Variants in PM20D2 observed in about 807,000 individuals in gnomAD.
PM20D2 encodes xaa-Arg dipeptidase.
A neutral mutation model predicts 42.9 loss-of-function variants in PM20D2; 33 were observed. That is an observed-to-expected ratio of 0.77 (90% CI 0.58 to 1.03). The LOEUF is 1.03. Ranked by LOEUF, PM20D2 falls within the 50% of genes least tolerant of loss-of-function variation. The probability of loss-of-function intolerance (pLI) is 0.00; values close to 1 mark genes in which losing one functional copy is unlikely to be tolerated. For synonymous variants in PM20D2, 250 were observed against 228.2 expected (o/e 1.10, Z -0.86); for missense variants, 548 against 557.0 (o/e 0.98, Z 0.16).
In PM20D2 at chr6:89,153,034, A is replaced by G. The variant is rs1369546305; in HGVS notation, c.615-9A>G. On this transcript the variant is annotated splice_polypyrimidine_tract_variant and intron_variant, in intron 2 of 6. Coordinates refer to ENST00000275072, the MANE Select transcript of PM20D2 (RefSeq NM_001010853.3). ...CAAAAGTAATTTCAAATGATTTTTT[A>G]TTTCCTAGTGTGACTGTGAAATACT... 6.4e-7 allele frequency: 1 copy of G among 1,566,788 alleles called. No individual in the cohort carries two copies. Among genetic ancestry groups the G allele is most frequent in the African/African-American group, 1.4e-5 (1 of 72,612 alleles).
chr6:89,096,368 T>C, the PM20D2 span: 3 of 152,188 alleles, frequency 2.0e-5, no homozygotes, highest in African/African-American at 4.8e-5. Context: ...GCAAAAGTAA[T>C]TGCGGGATAT....
upstream of PM20D2, chr6:89,146,034 C>T (rs986368097): frequency 4.1e-6 from 4 of 972,044 alleles, no homozygotes; most frequent in Admixed American, 1.3e-4. Context: ...TGTGTGGCCG[C>T]GTGCGCGCTC....
the PM20D2 span, among the ~76,000 whole-genome samples, chr6:89,137,655 C>A: frequency 6.6e-6 from 1 of 152,072 alleles, no homozygotes; most frequent in South Asian, 2.1e-4. Context: ...AATGCCTGGG[C>A]TAAAAATGCA....
chr6:89,117,840 G>T, the PM20D2 span: 4 of 1,559,232 alleles, frequency 2.6e-6, no homozygotes, highest in Admixed American at 1.9e-5. Context: ...CGTCCGCGAC[G>T]TTCCTGATGA....
intron 6 of PM20D2, 37 bp downstream of exon 6, chr6:89,161,927 ACT>A (rs1562263534): frequency 6.5e-7 from 1 of 1,542,914 alleles, no homozygotes; most frequent in Admixed American, 1.7e-5. Context: ...TGGCACACAC[ACT>A]CTTCTTCTGG....
chr6:89,154,840 C>A lies in PM20D2; in HGVS notation c.850C>A (p.Gln284Lys). Reference sequence around the variant, plus strand: ...CCGTGCACCCTCAATGAAAGAACTTCAAGTTTTGACCAAAAAGGCAGAAGA... The same window carrying A: ...CCGTGCACCCTCAATGAAAGAACTTAAAGTTTTGACCAAAAAGGCAGAAGA... ...YFRAPSMKEL[Q>K]VLTKKAEDCF... Residue 284 changes from glutamine to lysine, a missense_variant, in exon 4 of 7, where the codon CAA (glutamine) becomes AAA (lysine). Gln to Lys is a moderately conservative substitution (Grantham distance 53). Transcript: ENST00000275072. 1 of 1,609,488 alleles carries A rather than the reference C, an allele frequency of 6.2e-7. No homozygotes were observed. Among genetic ancestry groups the A allele is most frequent in the Non-Finnish European group, 8.5e-7 (1 of 1,178,302 alleles).
At chr6:89,144,806 A>G (rs935436986), upstream of PM20D2, among the ~76,000 whole-genome samples, 2 of 129,458 alleles carry the variant, frequency 1.5e-5, no homozygotes, top group Non-Finnish European at 3.2e-5. Flanking sequence ...AGAATACCAG[A>G]GAAAGATTTA....
the PM20D2 span, among the ~76,000 whole-genome samples, chr6:89,113,216 C>G: frequency 7.2e-5 from 11 of 152,270 alleles, no homozygotes; most frequent in Middle Eastern, 3.4e-3. Context: ...ACTCTGTCAC[C>G]CAGGCTGGAG....
chr6:89,154,402 G>A (rs1454781794), intron 3 of PM20D2, among the ~76,000 whole-genome samples: 1 of 151,938 alleles, frequency 6.6e-6, no homozygotes, highest in African/African-American at 2.4e-5. Flanking sequence ...GTTGAGGTAT[G>A]GTAAAATCTT....
At position 89,163,897 on chromosome 6, in the gene PM20D2, A is replaced by C. The variant is rs1233974611; in HGVS notation, c.*1634A>C. 3.9e-5 allele frequency: 6 copies of C among 152,188 alleles called. No individual in the cohort carries two copies. The highest frequency in any genetic ancestry group is 1.4e-4 in the African/African-American group (6 of 41,446). The allele number at this position is 152,188 out of a possible 1,614,324, so 9.4% of individuals were successfully genotyped here. A position where few individuals can be genotyped will look rare whatever the true frequency, so the allele number is the denominator to read the frequency against. On this transcript the variant is annotated 3_prime_UTR_variant, in exon 7 of 7. Transcript: ENST00000275072. ...GACTTTAAAAGATGTTATCTAAATT[A>C]ATGGTTTAAATATACAAATTGAAAA... is the stretch of plus-strand genomic sequence containing the variant.
the PM20D2 span, chr6:89,096,345 G>C: frequency 6.6e-6 from 1 of 152,172 alleles, no homozygotes; most frequent in Admixed American, 6.5e-5. Flanking sequence ...GTCTGTAGTG[G>C]TACTAGGTTG....
the PM20D2 span, among the ~76,000 whole-genome samples, chr6:89,121,269 A>G: frequency 4.8e-5 from 7 of 145,742 alleles, no homozygotes; most frequent in Non-Finnish European, 9.4e-5. Context: ...ATAAAAACGT[A>G]TGTTCTTTTT....
At chr6:89,108,961 T>G in the PM20D2 span, among the ~76,000 whole-genome samples, 1 of 152,230 alleles carries the variant, frequency 6.6e-6, no homozygotes, top group Non-Finnish European at 1.5e-5. Context: ...TCATAGAACA[T>G]GTTTTACTAT....
chr6:89,149,369 A>G lies in PM20D2; in HGVS notation c.570A>G (p.Pro190=), dbSNP rs529213271. 12 of 1,614,014 alleles carry G rather than the reference A, an allele frequency of 7.4e-6. No individual in the cohort carries two copies. The highest frequency in any genetic ancestry group is 1.6e-4 in the Middle Eastern group (1 of 6,082). The change falls in exon 2 of 7, where the codon CCA becomes CCG. Residue 190 remains proline, a synonymous_variant. Coordinates refer to ENST00000275072, the MANE Select transcript of PM20D2 (RefSeq NM_001010853.3). ...TNLDVVFMAH[P]SQENAAYLPD... is the part of the protein sequence containing the mutation. ...TTGATGTTGTTTTTATGGCCCACCC[A>G]TCACAAGAGAATGCTGCTTATCTAC...
chr6:89,148,763 C>T (rs1441670913), intron 1 of PM20D2, among the ~76,000 whole-genome samples: 1 of 152,190 alleles, frequency 6.6e-6, no homozygotes, highest in Non-Finnish European at 1.5e-5. Context: ...TGGGGCAAGA[C>T]ACTTCACTCA....
chr6:89,150,443 G>A (rs1009793149), intron 2 of PM20D2, among the ~76,000 whole-genome samples: 7 of 151,668 alleles, frequency 4.6e-5, no homozygotes, highest in African/African-American at 1.7e-4. Flanking sequence ...CTTAAGGTTA[G>A]GCTTCGTGGT....
upstream of PM20D2, among the ~76,000 whole-genome samples, chr6:89,144,819 A>G (rs1053324024): frequency 2.6e-5 from 4 of 152,000 alleles, no homozygotes; most frequent in Non-Finnish European, 5.9e-5. Flanking sequence ...AAGATTTATT[A>G]TCGCCAAGGG....
chr6:89,148,062 C>T (rs1404635734), intron 1 of PM20D2, among the ~76,000 whole-genome samples: 1 of 149,702 alleles, frequency 6.7e-6, no homozygotes, highest in Non-Finnish European at 1.5e-5. Flanking sequence ...CTCACTACAA[C>T]CTCCGCCTCC....
the PM20D2 span, among the ~76,000 whole-genome samples, chr6:89,121,033 A>G: frequency 6.6e-6 from 1 of 152,086 alleles, no homozygotes; most frequent in African/African-American, 2.4e-5. Context: ...ATAAATATAG[A>G]AAAAAACCAC....
Sources: gnomAD v4.1 joint callset for allele counts (sites outside exome capture counted in the v4.1 genomes callset) on GRCh38, gnomAD v4.1.1 for gene constraint, MANE v1.5 for transcripts, NCBI Gene and HGNC (gene_info 2026-07-23, HGNC 2026-07-21) for gene names.